ZNF18: variants seen among roughly 807,000 people sequenced by gnomAD.
The protein encoded by ZNF18 is heart development-specific gene 1 protein.
ZNF18 carries 42 observed loss-of-function variants against 58.1 expected under a neutral mutation model. That is an observed-to-expected ratio of 0.72 (90% CI 0.56 to 0.93). The LOEUF (loss-of-function observed/expected upper bound fraction) is 0.93, where lower values mean the gene tolerates loss of function less well. Among genes scored for constraint, ZNF18 ranks in the 40% least tolerant of loss-of-function variants. The probability of loss-of-function intolerance (pLI) is 0.00; values close to 1 mark genes in which losing one functional copy is unlikely to be tolerated. For missense variants in ZNF18, 540 were observed against 644.2 expected, an observed-to-expected ratio of 0.84 and a Z score of 1.75; for synonymous variants, 231 against 239.8, an observed-to-expected ratio of 0.96 and a Z score of 0.34.
At chr17:12,017,059 A>C in the ZNF18 span, among the ~76,000 whole-genome samples, 1 of 151,632 alleles carries the variant, frequency 6.6e-6, no homozygotes, top group Non-Finnish European at 1.5e-5. Context: ...TTAGCTGGGC[A>C]TGGTGATGTG....
the ZNF18 span, among the ~76,000 whole-genome samples, chr17:12,003,312 G>A: frequency 1.1e-4 from 17 of 151,960 alleles, no homozygotes; most frequent in East Asian, 1.9e-4. Context: ...GGTGGCAGGC[G>A]CCTGTAATCT....
intron 4 of ZNF18, among the ~76,000 whole-genome samples, chr17:11,990,062 A>G (rs1280365304): frequency 6.6e-6 from 1 of 151,292 alleles, no homozygotes; most frequent in East Asian, 1.9e-4. Flanking sequence ...AGCGAGACAG[A>G]AAAAAAAATG....
chr17:12,002,811 G>A, the ZNF18 span, among the ~76,000 whole-genome samples: 1 of 152,162 alleles, frequency 6.6e-6, no homozygotes, highest in Non-Finnish European at 1.5e-5. Context: ...AAAATTCCCT[G>A]GAACTGAGGA....
the ZNF18 span, among the ~76,000 whole-genome samples, chr17:12,003,084 G>C: frequency 1.9e-4 from 29 of 152,296 alleles, 1 homozygote; most frequent in South Asian, 6.0e-3. Flanking sequence ...TAAACAAGAT[G>C]GTAACTGCTT....
intron 4 of ZNF18, among the ~76,000 whole-genome samples, chr17:11,986,272 C>T (rs1445202201): frequency 1.3e-5 from 2 of 152,240 alleles, no homozygotes; most frequent in African/African-American, 4.8e-5. Flanking sequence ...AAACCTCTTT[C>T]TTTTGTAAAC....
chr17:12,009,016 G>A, the ZNF18 span: 1 of 152,192 alleles, frequency 6.6e-6, no homozygotes, highest in East Asian at 1.9e-4. Context: ...ACGGGCACAG[G>A]CTATACAGAT....
At chr17:11,994,570 G>A (rs1968342942) in intron 1 of ZNF18, among the ~76,000 whole-genome samples, 1 of 152,184 alleles carries the variant, frequency 6.6e-6, no homozygotes, top group Non-Finnish European at 1.5e-5. Flanking sequence ...GGCCAGGCCA[G>A]GTGGCTCACG....
At chr17:11,990,610 G>A (rs761186231) in intron 3 of ZNF18, 60 bp from the exon 4 acceptor site, 14 of 1,360,282 alleles carry the variant, frequency 1.0e-5, no homozygotes, top group Non-Finnish European at 1.2e-5. Flanking sequence ...CTCCCCAGAG[G>A]GCGCAGATAA....
intron 4 of ZNF18, 118 bp from the exon 5 acceptor site, chr17:11,984,315 A>G (rs889242422): frequency 1.0e-6 from 1 of 963,644 alleles, no homozygotes; most frequent in East Asian, 2.7e-5. Context: ...GATCCTGGCC[A>G]TCGCAAGACC....
At chr17:12,020,612 A>G in the ZNF18 span, among the ~76,000 whole-genome samples, 6 of 152,196 alleles carry the variant, frequency 3.9e-5, no homozygotes, top group South Asian at 1.2e-3. Flanking sequence ...CCCACCTTTA[A>G]TTCTGCAAAC....
At chr17:12,005,998 A>G in the ZNF18 span, among the ~76,000 whole-genome samples, 1 of 152,020 alleles carries the variant, frequency 6.6e-6, no homozygotes, top group Non-Finnish European at 1.5e-5. Context: ...GATCAGACTC[A>G]CATGGAGGGC....
the ZNF18 span, among the ~76,000 whole-genome samples, chr17:12,009,836 T>C: frequency 1.3e-5 from 2 of 152,320 alleles, no homozygotes; most frequent in African/African-American, 4.8e-5. Flanking sequence ...CTTTGCTTCT[T>C]GAAAAACCAC....
chr17:12,019,332 GTGT>G, the ZNF18 span, among the ~76,000 whole-genome samples: 1 of 120,566 alleles, frequency 8.3e-6, no homozygotes, highest in African/African-American at 3.1e-5. Context: ...GTGTGTGTGT[GTGT>G]GTTTAAATTA....
the ZNF18 span, among the ~76,000 whole-genome samples, chr17:12,012,477 G>C: frequency 6.6e-6 from 1 of 152,152 alleles, no homozygotes; most frequent in Non-Finnish European, 1.5e-5. Flanking sequence ...TACACGTCTA[G>C]AGGTATAATT....
chr17:11,988,477 C>T (rs1464248116), intron 4 of ZNF18, among the ~76,000 whole-genome samples: 2 of 151,910 alleles, frequency 1.3e-5, no homozygotes. Context: ...GGAAACTGCA[C>T]AAAGAGAAAG....
chr17:12,005,620 CTAAG>C, the ZNF18 span, among the ~76,000 whole-genome samples: 2 of 152,058 alleles, frequency 1.3e-5, no homozygotes, highest in Admixed American at 1.3e-4. Context: ...ACCATTATAA[CTAAG>C]TGTCAAAAAT....
At chr17:11,994,783 G>A (rs1968356704) in intron 1 of ZNF18, among the ~76,000 whole-genome samples, 1 of 152,178 alleles carries the variant, frequency 6.6e-6, no homozygotes, top group Non-Finnish European at 1.5e-5. Context: ...AGAGCTTGCA[G>A]TGAGCTGAGA....
At chr17:12,008,579 G>A in the ZNF18 span, among the ~76,000 whole-genome samples, 12 of 152,066 alleles carry the variant, frequency 7.9e-5, no homozygotes, top group South Asian at 4.1e-4. Flanking sequence ...GCAAGTTTGC[G>A]CTCAAATATT....
chr17:12,003,778 C>A, the ZNF18 span, among the ~76,000 whole-genome samples: 1 of 152,162 alleles, frequency 6.6e-6, no homozygotes, highest in Admixed American at 6.5e-5. Flanking sequence ...GCTTTTGAAT[C>A]CATGGGCCTG....
Sources: allele counts gnomAD v4.1 joint callset (sites outside exome capture counted in the v4.1 genomes callset), GRCh38; gene constraint gnomAD v4.1.1; transcripts MANE v1.5; gene names NCBI Gene and HGNC (gene_info 2026-07-23, HGNC 2026-07-21).